Variants in CATSPERB observed in about 807,000 individuals in gnomAD.
CATSPERB encodes the protein catsper channel auxiliary subunit beta.
In CATSPERB, 93 loss-of-function variants were observed where a neutral mutation model predicts 128.3. The observed-to-expected ratio is 0.72, with a 90% CI of 0.61 to 0.86. The LOEUF (loss-of-function observed/expected upper bound fraction) is 0.86, where lower values mean the gene tolerates loss of function less well. Among genes scored for constraint, CATSPERB ranks in the 40% least tolerant of loss-of-function variants. CATSPERB has a pLI of 0.00. For synonymous variants in CATSPERB, 381 were observed against 448.8 expected (o/e 0.85, Z 1.91); for missense variants, 1,153 against 1,329.5 (o/e 0.87, Z 2.06).
intron 2 of CATSPERB, among the ~76,000 whole-genome samples, chr14:91,726,045 A>T (rs1896114741): frequency 6.6e-6 from 1 of 152,156 alleles, no homozygotes; most frequent in South Asian, 2.1e-4. Context: ...CCAGGGGAAG[A>T]TCATCTTCCC....
At chr14:91,662,623 G>A (rs904318644) in intron 14 of CATSPERB, among the ~76,000 whole-genome samples, 25 of 152,192 alleles carry the variant, frequency 1.6e-4, no homozygotes, top group African/African-American at 6.0e-4. Flanking sequence ...AATAACAATG[G>A]CAGATTGCTT....
chr14:91,690,178 A>G (rs1895442290), intron 10 of CATSPERB, among the ~76,000 whole-genome samples: 1 of 152,146 alleles, frequency 6.6e-6, no homozygotes, highest in African/African-American at 2.4e-5. Context: ...TTTTCTGTAG[A>G]GACAGCATTT....
At chr14:91,652,289 T>C (rs1039879686) in intron 15 of CATSPERB, among the ~76,000 whole-genome samples, 4 of 151,912 alleles carry the variant, frequency 2.6e-5, no homozygotes, top group African/African-American at 4.8e-5. Context: ...TTGAAAAGAA[T>C]TTACAAAAAA....
chr14:91,708,144 G>A lies in CATSPERB; in HGVS notation c.463C>T (p.Arg155Ter), dbSNP rs779893104. 1.2e-5 allele frequency: 19 copies of A among 1,601,538 alleles called. No homozygotes were observed. Among genetic ancestry groups the A allele is most frequent in the South Asian group, 5.5e-5 (5 of 90,172 alleles). ...ACTTCTGTCTGTTGGCATTTACCTC[G>A]AATAACATCCAATAGAGTTCCTTCA... ...ATEGTLLDVIREPILQWTPGD... is the reference protein window; with the variant it reads ...ATEGTLLDVI Residue 155 changes from arginine to a stop codon, truncating the protein, a stop_gained, in exon 6 of 27, where the codon CGA (arginine) becomes TGA (stop). Transcript: ENST00000256343. LOFTEE classifies it high-confidence loss of function.
chr14:91,619,553 TA>T lies in CATSPERB; in HGVS notation c.2261-1818del, dbSNP rs766083266. 6.5e-3 allele frequency among the ~76,000 whole-genome samples: 978 copies of T among 149,352 alleles called. 6 individuals carry two copies. The highest frequency in any genetic ancestry group is 0.023 in the African/African-American group (924 of 40,870). ...TGTTTTTTCAAATAAGCCTTTTTTT[TA>T]AAAAAAAAATAGCATTTTGTCCTTT... On this transcript the variant is annotated intron_variant, in intron 19 of 26. Coordinates refer to ENST00000256343, the MANE Select transcript of CATSPERB (RefSeq NM_024764.4).
intron 22 of CATSPERB, among the ~76,000 whole-genome samples, chr14:91,600,902 T>C (rs959538045): frequency 5.3e-5 from 8 of 152,240 alleles, no homozygotes; most frequent in African/African-American, 1.4e-4. Context: ...GAAATAACTT[T>C]TACCTTCGGT....
At chr14:91,723,360 G>T (rs902338163) in intron 3 of CATSPERB, among the ~76,000 whole-genome samples, 171 bp from the exon 4 acceptor site, 1 of 151,848 alleles carries the variant, frequency 6.6e-6, no homozygotes, top group Non-Finnish European at 1.5e-5. Context: ...CATCATAAAG[G>T]TTTCATCTTA....
intron 10 of CATSPERB, among the ~76,000 whole-genome samples, chr14:91,690,240 G>A (rs1263475452): frequency 2.0e-5 from 3 of 152,134 alleles, no homozygotes; most frequent in African/African-American, 7.2e-5. Flanking sequence ...TGATCCACCC[G>A]CCTCAGCCTC....
At chr14:91,611,123 T>A (rs1893817318) in intron 20 of CATSPERB, among the ~76,000 whole-genome samples, 1 of 151,296 alleles carries the variant, frequency 6.6e-6, no homozygotes, top group Admixed American at 6.6e-5. Flanking sequence ...ACTAATATAG[T>A]GAAGAATATA....
At chr14:91,707,306 A>T (rs1895748107) in intron 6 of CATSPERB, among the ~76,000 whole-genome samples, 1 of 152,210 alleles carries the variant, frequency 6.6e-6, no homozygotes. Context: ...CATTCTAAAC[A>T]AATGTAAGTT....
rs1254227667 is a variant in CATSPERB at position 91,639,131 on chromosome 14, T to C, written c.1552A>G (p.Thr518Ala). The C allele has an allele frequency of 6.2e-7, 1 of 1,614,108 alleles. No individual in the cohort carries two copies. Among genetic ancestry groups the C allele is most frequent in the South Asian group, 1.1e-5 (1 of 91,086 alleles). The change falls in exon 16 of 27, where the codon ACA (threonine) becomes GCA (alanine). Residue 518 changes from threonine (T) to alanine (A), a missense_variant. Thr to Ala is a moderately conservative substitution (Grantham distance 58). Coordinates refer to ENST00000256343, the MANE Select transcript of CATSPERB (RefSeq NM_024764.4). ...LGRFEASGPPTAFGNSRNLFG... is the reference protein window; with the variant it reads ...LGRFEASGPPAAFGNSRNLFG... ...AGATTTCTAGAATTTCCAAAGGCTG[T>C]GGGTGGTCCACTAGCTTCAAAGCGA...
intron 10 of CATSPERB, among the ~76,000 whole-genome samples, chr14:91,685,756 C>T (rs1398840422): frequency 3.9e-5 from 6 of 152,024 alleles, no homozygotes; most frequent in Non-Finnish European, 8.8e-5. Flanking sequence ...GCAAAGGAGT[C>T]GAGGTGTGAG....
intron 11 of CATSPERB, among the ~76,000 whole-genome samples, chr14:91,683,649 C>T (rs915202350): frequency 2.0e-5 from 3 of 152,088 alleles, no homozygotes; most frequent in African/African-American, 4.8e-5. Context: ...TGACACTAGC[C>T]TATGTTCCAG....
At chr14:91,587,848 G>T in intron 25 of CATSPERB, 130 bp downstream of exon 25, 2 of 671,346 alleles carry the variant, frequency 3.0e-6, no homozygotes, top group East Asian at 5.5e-5. Context: ...ATACTTTAAA[G>T]GTATATACTT....
chr14:91,630,281 G>A (rs1436392071), intron 17 of CATSPERB, among the ~76,000 whole-genome samples: 1 of 152,046 alleles, frequency 6.6e-6, no homozygotes, highest in Non-Finnish European at 1.5e-5. Flanking sequence ...TCTTAGCCCA[G>A]GCTCTCTTCC....
chr14:91,604,793 C>A (rs1156680252), intron 22 of CATSPERB: 8 of 1,611,234 alleles, frequency 5.0e-6, no homozygotes, highest in Non-Finnish European at 5.9e-6. Context: ...AGAGTAGAGG[C>A]TGGGGTAGGT....
intron 26 of CATSPERB, among the ~76,000 whole-genome samples, chr14:91,586,966 G>A (rs1415460996): frequency 2.6e-5 from 4 of 152,298 alleles, no homozygotes; most frequent in East Asian, 3.9e-4. Context: ...AGACAGCCAC[G>A]TATTATTACA....
At chr14:91,689,989 A>C (rs1895439133) in intron 10 of CATSPERB, among the ~76,000 whole-genome samples, 1 of 151,968 alleles carries the variant, frequency 6.6e-6, no homozygotes, top group South Asian at 2.1e-4. Context: ...TTTTTAATTT[A>C]ATTTATTTTA....
intron 7 of CATSPERB, among the ~76,000 whole-genome samples, chr14:91,703,677 C>G (rs1895688781): frequency 6.6e-6 from 1 of 152,180 alleles, no homozygotes; most frequent in Non-Finnish European, 1.5e-5. Flanking sequence ...CATCTACATA[C>G]CAGGGGTGTG....
Sources: allele counts gnomAD v4.1 joint callset (sites outside exome capture counted in the v4.1 genomes callset), GRCh38; gene constraint gnomAD v4.1.1; transcripts MANE v1.5; gene names NCBI Gene and HGNC (gene_info 2026-07-23, HGNC 2026-07-21).